The following SBSPON variants were observed in gnomAD, a reference collection of about 807,000 sequenced individuals.
The protein encoded by SBSPON is somatomedin B and thrombospondin type 1 domain containing.
In SBSPON, 30 loss-of-function variants were observed where a neutral mutation model predicts 35.8. The ratio of observed to expected loss-of-function variants is 0.84; its 90% CI spans 0.63 to 1.14. The LOEUF (loss-of-function observed/expected upper bound fraction) is 1.14. Among genes scored for constraint, SBSPON ranks in the 50% most tolerant of loss-of-function variants. The probability of loss-of-function intolerance (pLI) is 0.00; values close to 1 mark genes in which losing one functional copy is unlikely to be tolerated. For synonymous variants in SBSPON, 136 were observed against 135.9 expected (o/e 1.00, Z 0.00); for missense variants, 364 against 357.7 (o/e 1.02, Z -0.14).
intron 1 of SBSPON, among the ~76,000 whole-genome samples, chr8:73,087,568 G>C (rs1455883348): frequency 6.6e-6 from 1 of 152,102 alleles, no homozygotes; most frequent in African/African-American, 2.4e-5. Flanking sequence ...AGACTGTTCT[G>C]GTTCCTGTAA....
In SBSPON at chr8:73,079,987, CAT is replaced by C. The variant is rs1712742178; in HGVS notation, c.409+1030_409+1031del. On this transcript the variant is annotated intron_variant, in intron 2 of 4. Coordinates refer to ENST00000297354, the MANE Select transcript of SBSPON (RefSeq NM_153225.4). The stretch of plus-strand genomic sequence containing the variant: ...GAAATTTCCACGTTCCTATGAGAAA[CAT>C]ATGGTTTTTGCTATCCTGAGAAGTC... Among the ~76,000 whole-genome samples the C allele has an allele frequency of 5.3e-5, 8 of 152,278 alleles. No homozygotes were observed. In the South Asian group the frequency reaches 1.5e-3, roughly 28 times the overall value.
intron 2 of SBSPON, among the ~76,000 whole-genome samples, chr8:73,074,339 A>C (rs937049308): frequency 6.6e-6 from 1 of 152,236 alleles, no homozygotes; most frequent in Non-Finnish European, 1.5e-5. Context: ...AATTCTTGGA[A>C]AAGGTTCTAT....
rs531871630 is a variant in SBSPON, at chr8:73,081,344, C to T, written c.215-131G>A. On this transcript the variant is annotated intron_variant, in intron 1 of 4. Transcript: ENST00000297354. ...TGGCCCCAGGCCCTGTATCAGGAGACGCACACAAAGCCTCAGCAGGTCCCA... is the reference window on the plus strand; with the variant it reads ...TGGCCCCAGGCCCTGTATCAGGAGATGCACACAAAGCCTCAGCAGGTCCCA... The T allele has an allele frequency of 6.5e-5, 44 of 671,758 alleles. 1 individual carries two copies. In the South Asian group the frequency reaches 7.3e-4, roughly 11 times the overall value. 41.6% of individuals were successfully genotyped at this position (671,758 alleles called of 1,614,324 possible). A position where few individuals can be genotyped will look rare whatever the true frequency, so the allele number is the denominator to read the frequency against.
At chr8:73,073,812 A>C (rs960054783) in intron 2 of SBSPON, among the ~76,000 whole-genome samples, 4 of 151,860 alleles carry the variant, frequency 2.6e-5, no homozygotes, top group Admixed American at 1.3e-4. Context: ...AAAAAAAAAA[A>C]ACAAAAACAA....
chr8:73,070,081 G>T, intron 3 of SBSPON, 100 bp from the exon 4 acceptor site: 1 of 657,616 alleles, frequency 1.5e-6, no homozygotes, highest in Non-Finnish European at 2.6e-6. Context: ...GCATTTGGCC[G>T]ACTGGAGCAG....
Position 73,066,076 on chromosome 8 carries a change from G to A in SBSPON, c.*1265C>T, listed in dbSNP as rs1810383251. 6.6e-6 allele frequency: 1 copy of A among 151,996 alleles called. No individual in the cohort carries two copies. The highest frequency in any genetic ancestry group is 2.4e-5 in the African/African-American group (1 of 41,374). 9.4% of individuals were successfully genotyped at this position (151,996 alleles called of 1,614,324 possible). On this transcript the variant is annotated 3_prime_UTR_variant, in exon 5 of 5. Coordinates refer to ENST00000297354, the MANE Select transcript of SBSPON (RefSeq NM_153225.4). ...TCTGTCATTACATGATAAGGACCAA[G>A]AAATACGTATTTTAGTAAATCATTT...
At chr8:73,078,469 C>G (rs1810636052) in intron 2 of SBSPON, among the ~76,000 whole-genome samples, 2 of 152,144 alleles carry the variant, frequency 1.3e-5, no homozygotes, top group Admixed American at 1.3e-4. Flanking sequence ...TGTTAAGACA[C>G]AGTCTCTAAC....
chr8:73,089,687 G>T (rs915002803), intron 1 of SBSPON, among the ~76,000 whole-genome samples: 1 of 152,138 alleles, frequency 6.6e-6, no homozygotes, highest in African/African-American at 2.4e-5. Context: ...GCAATATGTT[G>T]TCAGAAAATT....
chr8:73,078,508 C>T (rs776384961), intron 2 of SBSPON, among the ~76,000 whole-genome samples: 2 of 151,512 alleles, frequency 1.3e-5, no homozygotes, highest in Non-Finnish European at 2.9e-5. Flanking sequence ...GGTGTAGAGA[C>T]CCAGGGCTGA....
intron 1 of SBSPON, among the ~76,000 whole-genome samples, chr8:73,090,855 C>T (rs1810919392): frequency 1.3e-5 from 2 of 152,192 alleles, no homozygotes; most frequent in Admixed American, 1.3e-4. Context: ...GGCCATGTCA[C>T]CGCTTCCATA....
At chr8:73,074,233 A>G (rs2129999585) in intron 2 of SBSPON, among the ~76,000 whole-genome samples, 1 of 152,348 alleles carries the variant, frequency 6.6e-6, no homozygotes, top group African/African-American at 2.4e-5. Flanking sequence ...ATATCATTAC[A>G]AAAGTTCAAA....
chr8:73,093,021 G>A lies in SBSPON; in HGVS notation c.47C>T (p.Pro16Leu), dbSNP rs1311339830. 1.4e-6 allele frequency: 2 copies of A among 1,403,906 alleles called. No individual in the cohort carries two copies. The highest frequency in any genetic ancestry group is 1.8e-6 in the Non-Finnish European group (2 of 1,085,880). 87.0% of individuals were successfully genotyped at this position (1,403,906 alleles called of 1,614,324 possible). A position where few individuals can be genotyped will look rare whatever the true frequency, so the allele number is the denominator to read the frequency against. Reference protein sequence around the residue: ...MALCALSRLWPGAQAGCAEAG... With the variant: ...MALCALSRLWLGAQAGCAEAG... ...CTCGGCGCAGCCGGCCTGGGCCCCG[G>A]GCCACAGCCGCGACAGCGCGCACAG... Residue 16 changes from proline to leucine, a missense_variant, in exon 1 of 5, where the codon CCC (proline) becomes CTC (leucine). Transcript: ENST00000297354.
chr8:73,067,910 T>A (rs1810424014), intron 4 of SBSPON, among the ~76,000 whole-genome samples: 1 of 151,608 alleles, frequency 6.6e-6, no homozygotes, highest in African/African-American at 2.4e-5. Context: ...AAGCAAGTTT[T>A]AATTCATTGC....
intron 2 of SBSPON, among the ~76,000 whole-genome samples, chr8:73,079,172 C>T (rs757496832): frequency 3.9e-5 from 6 of 152,276 alleles, no homozygotes; most frequent in African/African-American, 1.4e-4. Context: ...AAACTATACC[C>T]AGCATCTGTT....
intron 2 of SBSPON, among the ~76,000 whole-genome samples, chr8:73,074,910 G>A (rs1324004770): frequency 1.3e-5 from 2 of 152,186 alleles, no homozygotes; most frequent in African/African-American, 4.8e-5. Flanking sequence ...GTAAAAGGGT[G>A]TTATACCAAT....
chr8:73,090,458 G>T (rs60527815), intron 1 of SBSPON, among the ~76,000 whole-genome samples: 3 of 152,248 alleles, frequency 2.0e-5, no homozygotes, highest in Non-Finnish European at 4.4e-5. Context: ...GGCGGTGACC[G>T]CCCTGCCCAG....
In SBSPON at chr8:73,074,049, A is replaced by G. The variant is rs113604123; in HGVS notation, c.410-2179T>C. Among the ~76,000 whole-genome samples the G allele has an allele frequency of 8.2e-3, 1,253 of 152,328 alleles. 13 individuals carry two copies. The highest frequency in any genetic ancestry group is 0.028 in the African/African-American group (1,174 of 41,576). On this transcript the variant is annotated intron_variant, in intron 2 of 4. Transcript: ENST00000297354. ...AATTATCAGAAACACAAACATCTAA[A>G]GGATTTAATTCTCCCATACATTTTC...
At chr8:73,068,915 C>T (rs573122881) in intron 4 of SBSPON, among the ~76,000 whole-genome samples, 4 of 152,110 alleles carry the variant, frequency 2.6e-5, no homozygotes, top group Middle Eastern at 3.4e-3. Context: ...GAAAATTATA[C>T]GAAATTCAAA....
At chr8:73,091,501 A>G (rs1481215873) in intron 1 of SBSPON, among the ~76,000 whole-genome samples, 1 of 152,148 alleles carries the variant, frequency 6.6e-6, no homozygotes, top group Non-Finnish European at 1.5e-5. Flanking sequence ...TACCTTTAAA[A>G]TGTATGCAAG....
Sources: gnomAD v4.1 joint callset for allele counts (sites outside exome capture counted in the v4.1 genomes callset) on GRCh38, gnomAD v4.1.1 for gene constraint, MANE v1.5 for transcripts, NCBI Gene and HGNC (gene_info 2026-07-23, HGNC 2026-07-21) for gene names.